The following RBFOX3 variants were observed in gnomAD, a reference collection of about 807,000 sequenced individuals.
RBFOX3 encodes the protein RNA binding fox-1 homolog 3.
A neutral mutation model predicts 48.7 loss-of-function variants in RBFOX3; 17 were observed. That is an observed-to-expected ratio of 0.35 (90% CI 0.24 to 0.52). The LOEUF is 0.52. RBFOX3 is among the 20% of genes least tolerant of loss of function. The pLI is 0.94. For missense variants in RBFOX3, 382 were observed against 497.5 expected, an observed-to-expected ratio of 0.77 and a Z score of 2.21; for synonymous variants, 212 against 209.5, an observed-to-expected ratio of 1.01 and a Z score of -0.10.
intron 1 of RBFOX3, among the ~76,000 whole-genome samples, chr17:79,507,490 C>G (rs960936259): frequency 6.6e-6 from 1 of 152,164 alleles, no homozygotes; most frequent in Non-Finnish European, 1.5e-5. Flanking sequence ...TTCTCGTCAA[C>G]TCCATTCTCA....
At chr17:79,101,681 G>T in intron 8 of RBFOX3, 37 bp from the exon 9 acceptor site, 9 of 1,539,634 alleles carry the variant, frequency 5.8e-6, no homozygotes, top group Non-Finnish European at 7.9e-6. Context: ...GAAGAGGGAG[G>T]ATTAGCCTCC....
At chr17:79,237,971 C>T (rs983432473) in intron 3 of RBFOX3, among the ~76,000 whole-genome samples, 3 of 152,182 alleles carry the variant, frequency 2.0e-5, no homozygotes, top group African/African-American at 4.8e-5. Context: ...GACTCTCGCT[C>T]TGTTGCCCAG....
intron 1 of RBFOX3, among the ~76,000 whole-genome samples, chr17:79,507,928 G>A (rs1555779417): frequency 6.6e-6 from 1 of 152,216 alleles, no homozygotes; most frequent in South Asian, 2.1e-4. Flanking sequence ...ACACACTCCA[G>A]CATCTGCCAC....
At chr17:79,437,093 C>A (rs2069646786) in intron 2 of RBFOX3, among the ~76,000 whole-genome samples, 1 of 152,138 alleles carries the variant, frequency 6.6e-6, no homozygotes, top group South Asian at 2.1e-4. Context: ...TTTGAGTGCT[C>A]AGGAGGGTCT....
chr17:79,278,960 C>T (rs1289408664), intron 3 of RBFOX3, among the ~76,000 whole-genome samples: 2 of 152,286 alleles, frequency 1.3e-5, no homozygotes, highest in Admixed American at 6.5e-5. Flanking sequence ...TGTCATCCCA[C>T]TTACATCTCC....
chr17:79,170,140 G>GGGAAGGAAGGAAGGAAGGAAGGGGGAA (rs752718090), intron 4 of RBFOX3, among the ~76,000 whole-genome samples: 21 of 123,266 alleles, frequency 1.7e-4, no homozygotes, highest in African/African-American at 8.0e-4. Flanking sequence ...GGAGGAAGGA[G>GGGAAGGAAGGAAGGAAGGAAGGGGGAA]GGAAGGAAGG....
chr17:79,427,933 C>G (rs919084889), intron 2 of RBFOX3, among the ~76,000 whole-genome samples: 1 of 152,244 alleles, frequency 6.6e-6, no homozygotes, highest in Non-Finnish European at 1.5e-5. Flanking sequence ...GACTGGGCCC[C>G]GTGCTCCCAG....
At position 79,363,408 on chromosome 17, in the gene RBFOX3, C is replaced by T. The variant is rs1375664371; in HGVS notation, c.-174-55584G>A. 6.6e-6 allele frequency among the ~76,000 whole-genome samples: 1 copy of T among 152,098 alleles called. No individual in the cohort carries two copies. Among genetic ancestry groups the T allele is most frequent in the African/African-American group, 2.4e-5 (1 of 41,408 alleles). On this transcript the variant is annotated intron_variant, in intron 2 of 14. Coordinates refer to ENST00000693108, the MANE Select transcript of RBFOX3 (RefSeq NM_001350451.2). The surrounding 1 kb of genome is among the most constrained non-coding windows in gnomAD (Gnocchi z 4.7). ...GGCTGTTCCCTCTGGAAATAGGGGG[C>T]TAAGGTGTTCCCAGGCCTGGTCACC...
At chr17:79,312,837 C>T (rs191166924) in intron 2 of RBFOX3, among the ~76,000 whole-genome samples, 15 of 152,274 alleles carry the variant, frequency 9.9e-5, no homozygotes, top group Admixed American at 3.9e-4. Flanking sequence ...TCTGTAGCTG[C>T]TGTAATCTCC....
the RBFOX3 span, among the ~76,000 whole-genome samples, chr17:79,641,263 C>T: frequency 1.3e-5 from 2 of 152,126 alleles, no homozygotes; most frequent in African/African-American, 4.8e-5. Context: ...TTCCCTCACA[C>T]TTGTTAGGAT....
intron 3 of RBFOX3, among the ~76,000 whole-genome samples, chr17:79,295,598 G>T (rs993516580): frequency 1.2e-4 from 18 of 152,212 alleles, no homozygotes; most frequent in Non-Finnish European, 1.9e-4. Flanking sequence ...GGAAAGATCA[G>T]AAGTTGTTGG....
intron 1 of RBFOX3, among the ~76,000 whole-genome samples, chr17:79,504,594 C>T (rs1444226967): frequency 6.6e-6 from 1 of 152,216 alleles, no homozygotes; most frequent in Non-Finnish European, 1.5e-5. Context: ...TGGCTTGTGG[C>T]TGCATCGCTC....
chr17:79,147,456 G>A (rs2043266708), intron 4 of RBFOX3, among the ~76,000 whole-genome samples: 1 of 152,220 alleles, frequency 6.6e-6, no homozygotes, highest in Non-Finnish European at 1.5e-5. Flanking sequence ...CAACCCCTCC[G>A]GAGCCTGGCC....
chr17:79,253,550 A>G (rs2064309085), intron 3 of RBFOX3, among the ~76,000 whole-genome samples: 1 of 152,160 alleles, frequency 6.6e-6, no homozygotes, highest in Non-Finnish European at 1.5e-5. Context: ...TTAAATCACA[A>G]AGGAAGATAT....
chr17:79,190,531 A>G (rs1421593826), intron 4 of RBFOX3, among the ~76,000 whole-genome samples: 4 of 151,892 alleles, frequency 2.6e-5, no homozygotes, highest in Admixed American at 6.6e-5. Context: ...CCGGCCTTCT[A>G]GCTGGCAGAC....
chr17:79,481,118 AGACTT>A lies in RBFOX3; in HGVS notation c.-175+1331_-175+1335del, dbSNP rs2078714893. Among the ~76,000 whole-genome samples the A allele has an allele frequency of 6.6e-6, 1 of 152,188 alleles. No individual in the cohort carries two copies. Among genetic ancestry groups the A allele is most frequent in the Admixed American group, 6.5e-5 (1 of 15,274 alleles). On this transcript the variant is annotated intron_variant, in intron 2 of 14. Transcript: ENST00000693108. This position sits in a 1 kb window ranked among gnomAD's most constrained non-coding sequence, Gnocchi z 5.4. ...GGAGAAGCACCCAGACTGTGCATAG[AGACTT>A]CCAATTCTGCAAACTCTGGAAAGAG...
chr17:79,475,232 T>C (rs1250831994), intron 2 of RBFOX3, among the ~76,000 whole-genome samples: 2 of 152,198 alleles, frequency 1.3e-5, no homozygotes, highest in Non-Finnish European at 2.9e-5. Context: ...GACGGCCTTC[T>C]GACCTGGGGT....
the RBFOX3 span, among the ~76,000 whole-genome samples, chr17:79,619,215 A>T: frequency 6.6e-6 from 1 of 152,192 alleles, no homozygotes; most frequent in African/African-American, 2.4e-5. Flanking sequence ...AGGTGCAGAG[A>T]CTGCCCAGGG....
In RBFOX3 at chr17:79,249,814, G is replaced by C. The variant is rs1054667459; in HGVS notation, c.-73-14009C>G. 9.9e-5 allele frequency among the ~76,000 whole-genome samples: 15 copies of C among 152,082 alleles called. No individual in the cohort carries two copies. The highest frequency in any genetic ancestry group is 2.9e-4 in the African/African-American group (12 of 41,390). On this transcript the variant is annotated intron_variant, in intron 3 of 14. Coordinates refer to ENST00000693108, the MANE Select transcript of RBFOX3 (RefSeq NM_001350451.2). This position sits in a 1 kb window ranked among gnomAD's most constrained non-coding sequence, Gnocchi z 4.1. ...TGATGCCGAGTTCCCTGTCTCTAGGGATCTGTCCCTAGATAGGCTTCTTCT... is the reference window on the plus strand; with the variant it reads ...TGATGCCGAGTTCCCTGTCTCTAGGCATCTGTCCCTAGATAGGCTTCTTCT...
Sources: allele counts gnomAD v4.1 joint callset (sites outside exome capture counted in the v4.1 genomes callset), GRCh38; gene constraint gnomAD v4.1.1; non-coding constraint Gnocchi (gnomAD v3.1); transcripts MANE v1.5; gene names NCBI Gene and HGNC (gene_info 2026-07-23, HGNC 2026-07-21).